Variants in TJP1 observed in about 807,000 individuals in gnomAD.
TJP1 encodes the protein tight junction protein 1.
Under a neutral mutation model 194.2 loss-of-function variants are expected in TJP1, and 43 were observed. The ratio of observed to expected loss-of-function variants is 0.22; its 90% CI spans 0.17 to 0.29. The LOEUF is 0.29. Ranked by LOEUF, TJP1 falls within the 10% of genes least tolerant of loss-of-function variation. The pLI is 1.00. For synonymous variants in TJP1, 801 were observed against 779.0 expected (o/e 1.03, Z -0.47); for missense variants, 1,971 against 2,185.7 (o/e 0.90, Z 1.96).
At chr15:29,752,822 T>C (rs1441507899) in intron 8 of TJP1, among the ~76,000 whole-genome samples, 4 of 152,162 alleles carry the variant, frequency 2.6e-5, no homozygotes, top group African/African-American at 9.7e-5. Context: ...ACAGAAAAAA[T>C]TCACTTCTTG....
At chr15:29,829,373 C>T (rs2050768431) in intron 2 of TJP1, among the ~76,000 whole-genome samples, 1 of 152,126 alleles carries the variant, frequency 6.6e-6, no homozygotes, top group Non-Finnish European at 1.5e-5. Context: ...AGCCTCTGGA[C>T]TTTCATAAGC....
intron 27 of TJP1, among the ~76,000 whole-genome samples, chr15:29,703,927 G>A (rs1310716856): frequency 6.6e-6 from 1 of 152,194 alleles, no homozygotes; most frequent in Non-Finnish European, 1.5e-5. Flanking sequence ...ACAGGCATGA[G>A]CCACGGCGCC....
intron 2 of TJP1, among the ~76,000 whole-genome samples, chr15:29,932,556 T>TG (rs369361974): frequency 0.027 from 4,061 of 151,832 alleles, 120 homozygotes; most frequent in Admixed American, 0.082. Context: ...CTTTATGACC[T>TG]GGAAAAAAAA....
chr15:29,852,353 CA>C (rs763806210), intron 2 of TJP1, among the ~76,000 whole-genome samples: 1 of 152,164 alleles, frequency 6.6e-6, no homozygotes, highest in African/African-American at 2.4e-5. Flanking sequence ...TAATGGACCA[CA>C]AAAAGACATT....
intron 1 of TJP1, 42 bp from the exon 2 acceptor site, chr15:29,800,744 A>C: frequency 6.3e-7 from 1 of 1,596,336 alleles, no homozygotes; most frequent in Non-Finnish European, 8.6e-7. Flanking sequence ...CCTTTTAAGA[A>C]AATGTCCTTA....
At chr15:29,901,463 T>C (rs1192222491) in intron 2 of TJP1, among the ~76,000 whole-genome samples, 1 of 152,164 alleles carries the variant, frequency 6.6e-6, no homozygotes, top group Non-Finnish European at 1.5e-5. Context: ...GCCTTCTCTA[T>C]CCATAGATCC....
chr15:29,758,328 T>C (rs924477690), intron 8 of TJP1, among the ~76,000 whole-genome samples: 3 of 152,056 alleles, frequency 2.0e-5, no homozygotes, highest in Non-Finnish European at 2.9e-5. Flanking sequence ...CCCCAGAAGT[T>C]TGTATTTTTA....
intron 23 of TJP1, 111 bp downstream of exon 23, chr15:29,716,500 A>G (rs1414299195): frequency 1.8e-5 from 14 of 792,728 alleles, no homozygotes; most frequent in Non-Finnish European, 2.6e-5. Flanking sequence ...GAACCACTAG[A>G]GCCTACAGAA....
At position 29,822,031 on chromosome 15, in the gene TJP1, T is replaced by C. The variant is rs760203329; in HGVS notation, c.-3A>G. ...GCGGCCGCAGCTCTGGCGGACATCTTGTCTCTCTCCAGCGCCGCGCGAGGC... is the reference window on the plus strand; with the variant it reads ...GCGGCCGCAGCTCTGGCGGACATCTCGTCTCTCTCCAGCGCCGCGCGAGGC... On this transcript the variant is annotated 5_prime_UTR_variant, in exon 1 of 28. Coordinates refer to ENST00000614355, the MANE Select transcript of TJP1 (RefSeq NM_001330239.4). 1.5e-6 allele frequency: 2 copies of C among 1,352,218 alleles called. No homozygotes were observed. The highest frequency in any genetic ancestry group is 2.7e-5 in the Admixed American group (1 of 36,400). The allele number at this position is 1,352,218 out of a possible 1,614,324, so 83.8% of individuals were successfully genotyped here. A position where few individuals can be genotyped will look rare whatever the true frequency, so the allele number is the denominator to read the frequency against.
At chr15:29,873,313 T>G (rs995727469) in intron 2 of TJP1, among the ~76,000 whole-genome samples, 1 of 152,230 alleles carries the variant, frequency 6.6e-6, no homozygotes, top group Non-Finnish European at 1.5e-5. Flanking sequence ...TCTCTGCCAT[T>G]CAGATTTTAA....
At chr15:29,780,890 TAAC>T (rs2047329706) in intron 2 of TJP1, among the ~76,000 whole-genome samples, 1 of 151,548 alleles carries the variant, frequency 6.6e-6, no homozygotes, top group Non-Finnish European at 1.5e-5. Context: ...CATACGACAT[TAAC>T]AACATTACAT....
At chr15:29,942,024 G>A (rs1283318742) in intron 2 of TJP1, among the ~76,000 whole-genome samples, 1 of 152,208 alleles carries the variant, frequency 6.6e-6, no homozygotes, top group Non-Finnish European at 1.5e-5. Context: ...CCTAGACAGA[G>A]AGGGTCAAGC....
chr15:29,728,240 C>T (rs928693845), intron 15 of TJP1: 67 of 433,652 alleles, frequency 1.5e-4, no homozygotes, highest in Admixed American at 5.2e-4. Flanking sequence ...AAAAACTTAG[C>T]CATTAAAGAA....
chr15:29,843,736 A>AGGAGGAGGATAGGGCATCTGT (rs1341412505), intron 2 of TJP1, among the ~76,000 whole-genome samples: 1 of 152,192 alleles, frequency 6.6e-6, no homozygotes, highest in East Asian at 1.9e-4. Flanking sequence ...AAGAAAGTGA[A>AGGAGGAGGATAGGGCATCTGT]GGAGGAGGAT....
intron 26 of TJP1, 85 bp from the exon 27 acceptor site, chr15:29,704,390 A>G: frequency 1.4e-6 from 2 of 1,479,938 alleles, no homozygotes; most frequent in Non-Finnish European, 9.1e-7. Context: ...GCTTCTAATT[A>G]TATGCTTGAA....
intron 2 of TJP1, among the ~76,000 whole-genome samples, chr15:29,949,385 TCCA>T (rs1223944021): frequency 4.5e-4 from 44 of 98,700 alleles, no homozygotes; most frequent in Non-Finnish European, 6.4e-4. Flanking sequence ...CACTGCTACC[TCCA>T]CCACCACCAC....
intron 2 of TJP1, among the ~76,000 whole-genome samples, chr15:29,840,517 C>T (rs577163718): frequency 3.7e-4 from 57 of 152,224 alleles, no homozygotes; most frequent in African/African-American, 1.3e-3. Context: ...CAGACTTTCC[C>T]GTGAGAGAAA....
chr15:29,824,494 G>A (rs1033058858), upstream of TJP1, among the ~76,000 whole-genome samples: 2 of 151,512 alleles, frequency 1.3e-5, no homozygotes, highest in African/African-American at 2.4e-5. Flanking sequence ...AGCACTTTGG[G>A]AGGCCAAGAC....
At chr15:29,895,364 C>A (rs145942553) in intron 2 of TJP1, among the ~76,000 whole-genome samples, 122 of 152,332 alleles carry the variant, frequency 8.0e-4, no homozygotes, top group African/African-American at 2.8e-3. Flanking sequence ...TTAGAAATTT[C>A]TTGTGCCAAA....
Sources: gnomAD v4.1 joint callset for allele counts (sites outside exome capture counted in the v4.1 genomes callset) on GRCh38, gnomAD v4.1.1 for gene constraint, MANE v1.5 for transcripts, NCBI Gene and HGNC (gene_info 2026-07-23, HGNC 2026-07-21) for gene names.